Variants in MAST4 observed in about 807,000 individuals in gnomAD.
MAST4 encodes the protein microtubule associated serine/threonine kinase family member 4, also known as microtubule-associated serine/threonine-protein kinase 4.
In MAST4, 89 loss-of-function variants were observed where a neutral mutation model predicts 162.7. The observed-to-expected ratio is 0.55, with a 90% CI of 0.46 to 0.65. The LOEUF is 0.65. MAST4 is among the 30% of genes least tolerant of loss of function. The pLI is 0.00. For missense variants in MAST4, 3,153 were observed against 3,374.0 expected (o/e 0.93, Z 1.62); for synonymous variants, 1,479 against 1,361.1 (o/e 1.09, Z -1.91).
chr5:66,932,468 T>A (rs1360821952), intron 4 of MAST4, among the ~76,000 whole-genome samples: 2 of 152,198 alleles, frequency 1.3e-5, no homozygotes, highest in Non-Finnish European at 2.9e-5. Flanking sequence ...AATAACAGTT[T>A]GTTTTCTCAT....
intron 1 of MAST4, among the ~76,000 whole-genome samples, chr5:66,605,169 A>G (rs1427829691): frequency 1.3e-5 from 2 of 152,200 alleles, no homozygotes; most frequent in Non-Finnish European, 2.9e-5. Context: ...GAGTGGCTTG[A>G]TTGAAATAAC....
chr5:66,714,984 C>T (rs1750728879), intron 1 of MAST4, among the ~76,000 whole-genome samples: 1 of 152,182 alleles, frequency 6.6e-6, no homozygotes, highest in African/African-American at 2.4e-5. Flanking sequence ...TCTTTGATGT[C>T]AACAGATATG....
intron 5 of MAST4, among the ~76,000 whole-genome samples, chr5:67,087,656 C>G (rs1299611445): frequency 2.0e-5 from 3 of 152,210 alleles, no homozygotes; most frequent in African/African-American, 4.8e-5. Context: ...ATCAGTTGCT[C>G]TAGCCCACAT....
chr5:66,935,146 G>A (rs908451204), intron 4 of MAST4, among the ~76,000 whole-genome samples: 3 of 152,166 alleles, frequency 2.0e-5, no homozygotes, highest in Non-Finnish European at 2.9e-5. Flanking sequence ...ACCAGTGGAT[G>A]TTTGCTCACT....
chr5:66,718,361 A>G (rs1750986963), intron 1 of MAST4, among the ~76,000 whole-genome samples: 2 of 152,066 alleles, frequency 1.3e-5, no homozygotes, highest in African/African-American at 2.4e-5. Context: ...GGCTTCTTCT[A>G]CATGCTGGCA....
intron 1 of MAST4, among the ~76,000 whole-genome samples, chr5:66,647,102 T>A (rs768203248): frequency 6.6e-6 from 1 of 152,196 alleles, no homozygotes; most frequent in Non-Finnish European, 1.5e-5. Context: ...GTTATGAATG[T>A]TAGTGCTTTG....
At position 67,085,419 on chromosome 5, in the gene MAST4, G is replaced by A. The variant is rs1165265321; in HGVS notation, c.764-4743G>A. Reference sequence around the variant, plus strand: ...ACAGCTAGAAGGCTCTTTCTAAAACGTAAATAAAATCATGTTATCCCTCTC... The same window carrying A: ...ACAGCTAGAAGGCTCTTTCTAAAACATAAATAAAATCATGTTATCCCTCTC... On this transcript the variant is annotated intron_variant, in intron 5 of 28. Coordinates refer to ENST00000403625, the MANE Select transcript of MAST4 (RefSeq NM_001164664.2). Among the ~76,000 whole-genome samples the A allele has an allele frequency of 8.5e-5, 13 of 152,108 alleles. No homozygotes were observed. In the South Asian group the frequency reaches 1.2e-3, roughly 15 times the overall value.
At chr5:66,720,515 T>G (rs1751133674) in intron 1 of MAST4, among the ~76,000 whole-genome samples, 1 of 152,168 alleles carries the variant, frequency 6.6e-6, no homozygotes, top group South Asian at 2.1e-4. Context: ...AAATTTTATA[T>G]ATTCTGTATA....
Position 67,166,772 on chromosome 5 carries a change from G to C in MAST4, c.7593G>C (p.Leu2531=). ...LPSFRVSTLP[L]ESHHPDPNTM... The stretch of plus-strand genomic sequence containing the variant: ...CCTTCCGGGTCTCCACCCTGCCTCT[G>C]GAGTCACACCACCCCGACCCAAACA... The change falls in exon 29 of 29, where the codon CTG becomes CTC. Residue 2531 remains leucine, a synonymous_variant. Transcript: ENST00000403625. 1 of 1,601,702 alleles carries C rather than the reference G, an allele frequency of 6.2e-7. No individual in the cohort carries two copies. The highest frequency in any genetic ancestry group is 8.5e-7 in the Non-Finnish European group (1 of 1,174,628).
chr5:66,823,982 TG>T (rs1757118328), intron 3 of MAST4, among the ~76,000 whole-genome samples: 1 of 152,206 alleles, frequency 6.6e-6, no homozygotes, highest in African/African-American at 2.4e-5. Flanking sequence ...TAATCTTTTA[TG>T]AGCTAATACA....
In MAST4 at chr5:67,144,687, C is replaced by G. The variant is rs1438307359; in HGVS notation, c.2749C>G (p.Arg917Gly). ...CTTCCAGGTTTTCAGCAGTATAGAT[C>G]GAATCACTCAGAATTCAGCAGAAGA... ...RFSKVFSSID[R>G]ITQNSAEEKE... Residue 917 changes from arginine (R) to glycine (G), a missense_variant, in exon 22 of 29, where the codon CGA (arginine) becomes GGA (glycine). Arg to Gly is a moderately radical substitution (Grantham distance 125, BLOSUM62 -2). Transcript: ENST00000403625. The G allele has an allele frequency of 6.2e-7, 1 of 1,613,726 alleles. No homozygotes were observed. The highest frequency in any genetic ancestry group is 1.7e-5 in the Admixed American group (1 of 60,018).
intron 3 of MAST4, among the ~76,000 whole-genome samples, chr5:66,898,355 G>C (rs367093): frequency 0.53 from 80,380 of 151,914 alleles, 21,582 homozygotes; most frequent in Middle Eastern, 0.6. Context: ...CTCTCTTTTT[G>C]TTTTCTTTAA....
intron 1 of MAST4, among the ~76,000 whole-genome samples, chr5:66,645,997 C>A (rs1745807870): frequency 6.6e-6 from 1 of 152,002 alleles, no homozygotes. Context: ...TTCTATATTG[C>A]TAAAGTTCTG....
intron 1 of MAST4, among the ~76,000 whole-genome samples, chr5:66,703,958 A>C (rs1390829776): frequency 6.6e-6 from 1 of 152,208 alleles, no homozygotes; most frequent in Non-Finnish European, 1.5e-5. Context: ...GTTTTACATA[A>C]AGTATAAGAG....
intron 3 of MAST4, among the ~76,000 whole-genome samples, chr5:66,824,490 A>G (rs1273144783): frequency 6.6e-6 from 1 of 152,208 alleles, no homozygotes; most frequent in African/African-American, 2.4e-5. Flanking sequence ...GGATTAGGCC[A>G]GTGGAATGGA....
intron 4 of MAST4, among the ~76,000 whole-genome samples, chr5:67,028,990 C>G (rs777730172): frequency 2.0e-4 from 30 of 152,020 alleles, no homozygotes; most frequent in Non-Finnish European, 3.7e-4. Flanking sequence ...AATAAATTCG[C>G]TAGGCATGGT....
intron 1 of MAST4, among the ~76,000 whole-genome samples, chr5:66,666,843 C>G (rs547446355): frequency 6.6e-6 from 1 of 152,332 alleles, no homozygotes; most frequent in East Asian, 1.9e-4. Flanking sequence ...TTTGGCATAG[C>G]TAGTAAAGGG....
intron 14 of MAST4, among the ~76,000 whole-genome samples, chr5:67,128,336 G>A (rs191068464): frequency 6.6e-6 from 1 of 152,276 alleles, no homozygotes; most frequent in African/African-American, 2.4e-5. Context: ...AAAGTGCTGG[G>A]CACCCAGCTG....
chr5:66,817,988 A>AT lies in MAST4; in HGVS notation c.642+29200dup, dbSNP rs200427655. Among the ~76,000 whole-genome samples the AT allele has an allele frequency of 4.9e-3, 742 of 152,292 alleles. 9 individuals carry two copies. The highest frequency in any genetic ancestry group is 0.017 in the African/African-American group (722 of 41,566). On this transcript the variant is annotated intron_variant, in intron 3 of 28. Transcript: ENST00000403625. ...TCAAACTTCTTAAACGTCTACTGTC[A>AT]TTTTTTGGAAGAGTGCTGTAAATGG...
Sources: allele counts gnomAD v4.1 joint callset (sites outside exome capture counted in the v4.1 genomes callset), GRCh38; gene constraint gnomAD v4.1.1; transcripts MANE v1.5; gene names NCBI Gene and HGNC (gene_info 2026-07-23, HGNC 2026-07-21).